The following XYLT1 variants were observed in gnomAD, a reference collection of about 807,000 sequenced individuals.
XYLT1 encodes the protein xylosyltransferase 1.
Under a neutral mutation model 91.3 loss-of-function variants are expected in XYLT1, and 36 were observed. The ratio of observed to expected loss-of-function variants is 0.39; its 90% CI spans 0.30 to 0.52. The LOEUF (loss-of-function observed/expected upper bound fraction) is 0.52. XYLT1 is among the 20% of genes least tolerant of loss of function. The pLI, the probability that XYLT1 is intolerant of heterozygous loss-of-function variation, is 0.68. For missense variants in XYLT1, 1,242 were observed against 1,284.5 expected (o/e 0.97, Z 0.51); for synonymous variants, 588 against 532.0 (o/e 1.11, Z -1.45).
At chr16:17,151,766 G>A (rs2031288856) in intron 6 of XYLT1, among the ~76,000 whole-genome samples, 1 of 152,204 alleles carries the variant, frequency 6.6e-6, no homozygotes, top group African/African-American at 2.4e-5. Flanking sequence ...GGAGAATGCT[G>A]CCTCTGGCAG....
intron 2 of XYLT1, among the ~76,000 whole-genome samples, chr16:17,324,075 A>G (rs1035224291): frequency 6.6e-6 from 1 of 152,200 alleles, no homozygotes; most frequent in African/African-American, 2.4e-5. Flanking sequence ...ACCCCAGCTC[A>G]GGTCCCATGC....
intron 5 of XYLT1, among the ~76,000 whole-genome samples, chr16:17,189,566 G>A (rs1006589039): frequency 6.6e-6 from 1 of 152,210 alleles, no homozygotes; most frequent in Admixed American, 6.5e-5. Flanking sequence ...TCAGAATGCT[G>A]AGTATATTGA....
At chr16:17,306,988 G>A (rs1207065644) in intron 2 of XYLT1, among the ~76,000 whole-genome samples, 3 of 152,024 alleles carry the variant, frequency 2.0e-5, no homozygotes, top group South Asian at 2.1e-4. Flanking sequence ...AGAGGTGCAC[G>A]TACTGGCGGT....
chr16:17,121,586 A>G (rs925830774), intron 10 of XYLT1, among the ~76,000 whole-genome samples: 1 of 152,194 alleles, frequency 6.6e-6, no homozygotes, highest in Non-Finnish European at 1.5e-5. Context: ...ATGTGTATGT[A>G]TATGTATATA....
At chr16:17,371,433 T>C (rs2035530877) in intron 1 of XYLT1, among the ~76,000 whole-genome samples, 1 of 152,232 alleles carries the variant, frequency 6.6e-6, no homozygotes. Context: ...GATGTTTTCC[T>C]GACTGTAAGT....
chr16:17,379,766 C>A, intron 1 of XYLT1, among the ~76,000 whole-genome samples: 1 of 141,550 alleles, frequency 7.1e-6, no homozygotes, highest in East Asian at 2.1e-4. Flanking sequence ...CTCTCTCTCA[C>A]ACACACACAC....
At chr16:17,429,387 C>T (rs532926903) in intron 1 of XYLT1, among the ~76,000 whole-genome samples, 7 of 152,260 alleles carry the variant, frequency 4.6e-5, no homozygotes, top group Middle Eastern at 3.4e-3. Flanking sequence ...ATAATTCTGC[C>T]GCAGGTTAAC....
intron 2 of XYLT1, among the ~76,000 whole-genome samples, chr16:17,283,277 A>G (rs1156478448): frequency 1.3e-5 from 2 of 152,204 alleles, no homozygotes; most frequent in East Asian, 1.9e-4. Context: ...TTTAGCTGTA[A>G]TAAGTGAATT....
chr16:17,254,996 C>CTTTTTTTTTTTT (rs34553607), intron 3 of XYLT1, among the ~76,000 whole-genome samples: 2 of 113,352 alleles, frequency 1.8e-5, no homozygotes, highest in Admixed American at 9.5e-5. Flanking sequence ...TTTTCTTTTT[C>CTTTTTTTTTTTT]TTTTTTTTTT....
intron 1 of XYLT1, among the ~76,000 whole-genome samples, chr16:17,460,764 G>A (rs749940160): frequency 2.6e-5 from 4 of 152,136 alleles, no homozygotes; most frequent in Non-Finnish European, 2.9e-5. Context: ...AAAAATCTAC[G>A]CTGTCTCACG....
Position 17,369,969 on chromosome 16 carries a change from C to T in XYLT1, c.364-11919G>A, listed in dbSNP as rs115519071. 8.9e-4 allele frequency among the ~76,000 whole-genome samples: 136 copies of T among 152,248 alleles called. 1 individual carries two copies. The highest frequency in any genetic ancestry group is 3.1e-3 in the African/African-American group (129 of 41,554). On this transcript the variant is annotated intron_variant, in intron 1 of 11. Transcript: ENST00000261381. The stretch of plus-strand genomic sequence containing the variant: ...CTCCAAGCCCAGCTCTCCTTCTGTT[C>T]GGGGCAGCCTCAGAGACAGGAAGAT...
chr16:17,258,295 G>A (rs2033666634), intron 3 of XYLT1, among the ~76,000 whole-genome samples: 2 of 149,698 alleles, frequency 1.3e-5, no homozygotes, highest in African/African-American at 2.5e-5. Flanking sequence ...GAAGAAAAGA[G>A]GAAAGGAGAG....
intron 2 of XYLT1, among the ~76,000 whole-genome samples, chr16:17,326,141 G>A (rs1365424087): frequency 2.6e-5 from 4 of 151,718 alleles, no homozygotes; most frequent in Admixed American, 6.6e-5. Flanking sequence ...TAAAAGTCTC[G>A]TGTCCCCCTT....
At chr16:17,158,473 T>C (rs1184678184) in intron 6 of XYLT1, among the ~76,000 whole-genome samples, 1 of 152,212 alleles carries the variant, frequency 6.6e-6, no homozygotes, top group Non-Finnish European at 1.5e-5. Context: ...GAATGAACGA[T>C]CTGGGGACGT....
intron 5 of XYLT1, among the ~76,000 whole-genome samples, chr16:17,161,672 C>T (rs2031555868): frequency 1.1e-5 from 1 of 93,616 alleles, no homozygotes; most frequent in South Asian, 2.8e-4. Context: ...TCCAGTTTCT[C>T]GCGCGCTCTC....
At chr16:17,381,039 TG>T (rs2035673660) in intron 1 of XYLT1, among the ~76,000 whole-genome samples, 1 of 152,196 alleles carries the variant, frequency 6.6e-6, no homozygotes, top group Admixed American at 6.5e-5. Flanking sequence ...TTGTTGTCGT[TG>T]TTTCTTTTTT....
chr16:17,197,881 A>C, intron 5 of XYLT1: 1 of 277,200 alleles, frequency 3.6e-6, no homozygotes. Flanking sequence ...ACTCCTTAAT[A>C]AACTCCTCTT....
At chr16:17,120,660 A>G (rs2030016463) in intron 10 of XYLT1, among the ~76,000 whole-genome samples, 1 of 151,908 alleles carries the variant, frequency 6.6e-6, no homozygotes, top group Non-Finnish European at 1.5e-5. Context: ...CCTGACCCCC[A>G]CAGTACTGCA....
intron 1 of XYLT1, among the ~76,000 whole-genome samples, chr16:17,445,319 A>T (rs1025856226): frequency 6.6e-6 from 1 of 152,268 alleles, no homozygotes; most frequent in Non-Finnish European, 1.5e-5. Context: ...AACCTAGCCC[A>T]GTGCCTGGCA....
Sources: gnomAD v4.1 joint callset for allele counts (sites outside exome capture counted in the v4.1 genomes callset) on GRCh38, gnomAD v4.1.1 for gene constraint, MANE v1.5 for transcripts, NCBI Gene and HGNC (gene_info 2026-07-23, HGNC 2026-07-21) for gene names.